SETD2: variants seen among roughly 807,000 people sequenced by gnomAD.
The protein encoded by SETD2 is histone-lysine N-methyltransferase SETD2.
SETD2 carries 31 observed loss-of-function variants against 242.1 expected under a neutral mutation model. The ratio of observed to expected loss-of-function variants is 0.13; its 90% CI spans 0.10 to 0.17. The LOEUF is 0.17. Among genes scored for constraint, SETD2 ranks in the 10% least tolerant of loss-of-function variants. The probability of loss-of-function intolerance (pLI) is 1.00; values close to 1 mark genes in which losing one functional copy is unlikely to be tolerated. For synonymous variants in SETD2, 1,006 were observed against 1,066.5 expected, an observed-to-expected ratio of 0.94 and a Z score of 1.11; for missense variants, 2,481 against 3,046.3, an observed-to-expected ratio of 0.81 and a Z score of 4.37.
At chr3:47,142,814 C>G (rs778920990) in intron 1 of SETD2, among the ~76,000 whole-genome samples, 68 of 151,938 alleles carry the variant, frequency 4.5e-4, no homozygotes, top group Non-Finnish European at 4.9e-4. Flanking sequence ...ATTACAGGAG[C>G]CTGCCACCAC....
At chr3:47,055,028 TCTGA>T (rs780022716) in intron 15 of SETD2, among the ~76,000 whole-genome samples, 55 of 152,098 alleles carry the variant, frequency 3.6e-4, no homozygotes, top group Non-Finnish European at 5.6e-4. Flanking sequence ...TTAAATAAAG[TCTGA>T]CTTACTATCT....
chr3:47,032,389 C>T lies in SETD2; in HGVS notation c.7350+5277G>A, dbSNP rs560138455. Among the ~76,000 whole-genome samples the T allele has an allele frequency of 2.7e-4, 41 of 152,012 alleles. 1 individual carries two copies. Among genetic ancestry groups the T allele is most frequent in the African/African-American group, 8.7e-4 (36 of 41,450 alleles). ...AACTTAGCTACTTGGGTGGCTAAGA[C>T]GGGAGGATCATCTGAGCCTGGTAGG... On this transcript the variant is annotated intron_variant, in intron 18 of 20. Transcript: ENST00000409792.
At chr3:47,159,974 CAAA>C (rs371726989) in intron 1 of SETD2, among the ~76,000 whole-genome samples, 1 of 127,170 alleles carries the variant, frequency 7.9e-6, no homozygotes. Flanking sequence ...GACTCCATTC[CAAA>C]AAAAAAAAAA....
rs2039076443 is a variant in SETD2 at position 47,037,686 on chromosome 3, A to G, written c.7330T>C (p.Tyr2444His). The change falls in exon 18 of 21, where the codon TAT (tyrosine) becomes CAT (histidine). Residue 2444 changes from tyrosine (Y) to histidine (H), a missense_variant. Coordinates refer to ENST00000409792, the MANE Select transcript of SETD2 (RefSeq NM_014159.7). ...EAEMDLGTPT[Y>H]DENPMKASKK... ...CTCACCTTCATGGGGTTTTCATCAT[A>G]TGTTGGAGTTCCCAGGTCCATCTCA... 6.2e-7 allele frequency: 1 copy of G among 1,613,440 alleles called. No homozygotes were observed. Among genetic ancestry groups the G allele is most frequent in the Admixed American group, 1.7e-5 (1 of 59,988 alleles).
chr3:47,050,211 A>G (rs759316418), intron 15 of SETD2, among the ~76,000 whole-genome samples: 45 of 151,944 alleles, frequency 3.0e-4, no homozygotes, highest in Non-Finnish European at 4.4e-4. Context: ...ACTGATTTTT[A>G]CAAATTATAT....
intron 4 of SETD2, among the ~76,000 whole-genome samples, chr3:47,114,226 C>A (rs1478623415): frequency 6.6e-6 from 1 of 152,188 alleles, no homozygotes; most frequent in Admixed American, 6.5e-5. Flanking sequence ...ACCCACAATA[C>A]AGCCTTGATA....
At chr3:47,104,390 A>G (rs1373606352) in intron 6 of SETD2, among the ~76,000 whole-genome samples, 1 of 152,056 alleles carries the variant, frequency 6.6e-6, no homozygotes, top group Non-Finnish European at 1.5e-5. Context: ...AAATTTAAAA[A>G]TAAGCCAGGC....
intron 1 of SETD2, among the ~76,000 whole-genome samples, chr3:47,129,040 T>C (rs1235127074): frequency 6.6e-6 from 1 of 152,034 alleles, no homozygotes; most frequent in Non-Finnish European, 1.5e-5. Flanking sequence ...AAAAGAATAA[T>C]CCTGACAAAA....
chr3:47,129,446 A>T (rs1326917223), intron 1 of SETD2, among the ~76,000 whole-genome samples: 1 of 152,260 alleles, frequency 6.6e-6, no homozygotes, highest in African/African-American at 2.4e-5. Flanking sequence ...TTTTAAACAG[A>T]GATCATTGTT....
At chr3:47,087,991 A>G in intron 10 of SETD2, 122 bp downstream of exon 10, 1 of 1,045,148 alleles carries the variant, frequency 9.6e-7, no homozygotes, top group Admixed American at 2.9e-5. Flanking sequence ...AAACAAACAA[A>G]CAAATAAATA....
At chr3:47,076,764 T>G (rs1047825317) in intron 12 of SETD2, among the ~76,000 whole-genome samples, 2 of 152,160 alleles carry the variant, frequency 1.3e-5, no homozygotes, top group Non-Finnish European at 2.9e-5. Flanking sequence ...TTCAAGGACA[T>G]GAAGAGGTGA....
chr3:47,096,923 AT>A (rs1396100297), intron 9 of SETD2, among the ~76,000 whole-genome samples: 1 of 152,094 alleles, frequency 6.6e-6, no homozygotes, highest in Non-Finnish European at 1.5e-5. Flanking sequence ...GACCTTTCCA[AT>A]GCTTTTTTTA....
rs113560046 is a variant in SETD2, at chr3:47,120,577, G to A, written c.4059C>T (p.Ser1353=). 2.0e-4 allele frequency: 327 copies of A among 1,614,020 alleles called. No individual in the cohort carries two copies. In the African/African-American group the frequency reaches 3.4e-3, roughly 17 times the overall value. Residue 1353 remains serine, a synonymous_variant, in exon 3 of 21, where the codon TCC becomes TCT. Transcript: ENST00000409792. The stretch of plus-strand genomic sequence containing the variant: ...TCTGAAGGGATAGAAGAAATTTATC[G>A]GACTGGTCTGAAAAATGGGATCCAT... ...QQDGSHFSDQ[S]DKFLLSLQKD... is the part of the protein sequence containing the mutation.
chr3:47,030,580 C>T (rs532170538), intron 18 of SETD2, among the ~76,000 whole-genome samples: 78 of 152,202 alleles, frequency 5.1e-4, no homozygotes, highest in African/African-American at 1.9e-3. Context: ...ACAAGAATCA[C>T]AAGCAGATTA....
At chr3:47,106,809 C>CT (rs1275068997) in intron 5 of SETD2, among the ~76,000 whole-genome samples, 2 of 100,826 alleles carry the variant, frequency 2.0e-5, no homozygotes, top group Non-Finnish European at 4.5e-5. Flanking sequence ...GAGACTCCGT[C>CT]TCAAAAAAAA....
chr3:47,159,003 T>C (rs1375732023), intron 1 of SETD2, among the ~76,000 whole-genome samples: 2 of 152,078 alleles, frequency 1.3e-5, no homozygotes, highest in African/African-American at 2.4e-5. Flanking sequence ...TCAAGCCAAG[T>C]GTGGTGGTAC....
Position 47,062,195 on chromosome 3 carries a change from G to A in SETD2, c.6261C>T (p.Ala2087=), listed in dbSNP as rs2040362995. The change falls in exon 14 of 21, where the codon GCC becomes GCT. Residue 2087 remains alanine, a synonymous_variant. Transcript: ENST00000409792. ...CTGGCCTTTTTGTTCCCCGCTCATA[G>A]GCAGAAGAGGGTGGTGAGAGGGAGC... The part of the protein sequence containing the change: ...RRSSLSPPSS[A]YERGTKRPDD... 6.2e-7 allele frequency: 1 copy of A among 1,613,990 alleles called. No homozygotes were observed. The highest frequency in any genetic ancestry group is 1.1e-5 in the South Asian group (1 of 91,080).
chr3:47,086,297 G>A lies in SETD2; in HGVS notation c.5295C>T (p.Ser1765=), dbSNP rs1469356938. The A allele has an allele frequency of 6.2e-7, 1 of 1,612,560 alleles. No individual in the cohort carries two copies. The highest frequency in any genetic ancestry group is 8.5e-7 in the Non-Finnish European group (1 of 1,178,982). Residue 1765 remains serine, a synonymous_variant, in exon 11 of 21, where the codon TCC becomes TCT. Coordinates refer to ENST00000409792, the MANE Select transcript of SETD2 (RefSeq NM_014159.7). ...LELIQNTHSQ[S]CLKSFLERHG... ...GACGTTCCAGAAAGGACTTCAGGCAGGACTGTGAGTGTGTGTTCTTTCATG... is the reference window on the plus strand; with the variant it reads ...GACGTTCCAGAAAGGACTTCAGGCAAGACTGTGAGTGTGTGTTCTTTCATG...
Position 47,122,353 on chromosome 3 carries a change from C to T in SETD2, c.2283G>A (p.Met761Ile), listed in dbSNP as rs188887061. Reference protein sequence around the residue: ...PLVSPHQDKLMSMPVMTVDYS... With the variant: ...PLVSPHQDKLISMPVMTVDYS... The stretch of plus-strand genomic sequence containing the variant: ...AATCCACAGTCATAACTGGCATAGA[C>T]ATGAGTTTATCTTGGTGTGGTGACA... Residue 761 changes from methionine to isoleucine, a missense_variant, in exon 3 of 21, where the codon ATG becomes ATA. Physicochemically the swap from Met to Ile is conservative, Grantham distance 10. Coordinates refer to ENST00000409792, the MANE Select transcript of SETD2 (RefSeq NM_014159.7). 1.6e-4 allele frequency: 263 copies of T among 1,614,176 alleles called. 1 individual carries two copies. In the East Asian group the frequency reaches 4.9e-3, roughly 30 times the overall value.
Sources: gnomAD v4.1 joint callset for allele counts (sites outside exome capture counted in the v4.1 genomes callset) on GRCh38, gnomAD v4.1.1 for gene constraint, MANE v1.5 for transcripts, NCBI Gene and HGNC (gene_info 2026-07-23, HGNC 2026-07-21) for gene names.